The following ANK2 variants were observed in gnomAD, a reference collection of about 807,000 sequenced individuals.
The protein encoded by ANK2 is ankyrin-2.
ANK2 carries 83 observed loss-of-function variants against 360.5 expected under a neutral mutation model. The observed-to-expected ratio is 0.23, with a 90% CI of 0.19 to 0.28. The LOEUF is 0.28. ANK2 is among the 10% of genes least tolerant of loss of function. The probability of loss-of-function intolerance (pLI) is 1.00; values close to 1 mark genes in which losing one functional copy is unlikely to be tolerated. For missense variants in ANK2, 4,201 were observed against 4,795.7 expected (o/e 0.88, Z 3.66); for synonymous variants, 1,740 against 1,759.5 (o/e 0.99, Z 0.28).
At chr4:112,716,602 C>T in the ANK2 span, among the ~76,000 whole-genome samples, 9 of 152,162 alleles carry the variant, frequency 5.9e-5, no homozygotes, top group East Asian at 5.8e-4. Context: ...TTGCCCAGGC[C>T]GGAGTGCAGC....
chr4:112,855,793 A>G lies in ANK2; in HGVS notation c.-40+37529A>G, dbSNP rs74806603. On this transcript the variant is annotated intron_variant, in intron 1 of 30. Transcript: ENST00000503271. ...CTCACTCCAGAGTCCATGTCTGGAT[A>G]TGGCTTGATGTGATGGGGCAGCGTT... Among the ~76,000 whole-genome samples the G allele has an allele frequency of 3.3e-3, 509 of 152,268 alleles. 2 individuals carry two copies. The highest frequency in any genetic ancestry group is 0.012 in the African/African-American group (482 of 41,548).
At chr4:112,890,413 A>G (rs2079603530) in intron 1 of ANK2, among the ~76,000 whole-genome samples, 1 of 152,154 alleles carries the variant, frequency 6.6e-6, no homozygotes, top group Non-Finnish European at 1.5e-5. Flanking sequence ...GCCACCTACA[A>G]CGATCAGATA....
At chr4:113,124,291 A>C (rs2095535467) in intron 1 of ANK2, among the ~76,000 whole-genome samples, 1 of 152,210 alleles carries the variant, frequency 6.6e-6, no homozygotes. Context: ...TAGGACTCCT[A>C]ACACAAGTCA....
chr4:113,362,411 T>G (rs1050192756), intron 39 of ANK2, among the ~76,000 whole-genome samples: 2 of 152,108 alleles, frequency 1.3e-5, no homozygotes, highest in African/African-American at 4.8e-5. Flanking sequence ...TAAGCATCCA[T>G]ATGTAATGGT....
At chr4:112,994,545 A>G (rs1369262508) in intron 2 of ANK2, among the ~76,000 whole-genome samples, 1 of 152,228 alleles carries the variant, frequency 6.6e-6, no homozygotes, top group African/African-American at 2.4e-5. Context: ...TTTATGAGAC[A>G]ATCTCCAGTA....
chr4:112,942,342 A>G (rs1369930660), intron 2 of ANK2, among the ~76,000 whole-genome samples: 1 of 152,054 alleles, frequency 6.6e-6, no homozygotes, highest in East Asian at 1.9e-4. Flanking sequence ...TCCTGTTCCA[A>G]GTCAGTGCTC....
intron 1 of ANK2, among the ~76,000 whole-genome samples, chr4:113,074,538 CT>C (rs2079078924): frequency 6.6e-6 from 1 of 152,116 alleles, no homozygotes; most frequent in Non-Finnish European, 1.5e-5. Flanking sequence ...GCAAAGGACA[CT>C]GTTTTAAAAT....
At chr4:113,024,483 A>T (rs2058826321) in intron 2 of ANK2, among the ~76,000 whole-genome samples, 1 of 152,202 alleles carries the variant, frequency 6.6e-6, no homozygotes, top group South Asian at 2.1e-4. Flanking sequence ...CACATGAGAC[A>T]CTATTTTGTT....
At chr4:113,306,612 A>G (rs2077344403) in intron 23 of ANK2, among the ~76,000 whole-genome samples, 1 of 152,194 alleles carries the variant, frequency 6.6e-6, no homozygotes, top group African/African-American at 2.4e-5. Context: ...CATTTACTAA[A>G]TCTCTATAAT....
chr4:113,027,474 C>A (rs2059527174), intron 2 of ANK2, among the ~76,000 whole-genome samples: 1 of 152,046 alleles, frequency 6.6e-6, no homozygotes, highest in Non-Finnish European at 1.5e-5. Context: ...CTGATCTCTG[C>A]CTGTTTACCT....
intron 1 of ANK2, among the ~76,000 whole-genome samples, chr4:112,858,620 C>T (rs2067048751): frequency 6.6e-6 from 1 of 152,168 alleles, no homozygotes; most frequent in Non-Finnish European, 1.5e-5. Flanking sequence ...CATGCATTGA[C>T]TGAAACAAAG....
chr4:112,821,226 T>C (rs559529618), intron 1 of ANK2, among the ~76,000 whole-genome samples: 2 of 152,212 alleles, frequency 1.3e-5, no homozygotes, highest in Admixed American at 1.3e-4. Context: ...CTTAAATGTT[T>C]TTTGTAGAGA....
chr4:113,145,751 A>G, intron 1 of ANK2: 1 of 1,207,152 alleles, frequency 8.3e-7, no homozygotes, highest in Non-Finnish European at 1.1e-6. Context: ...AAGGGAACTG[A>G]GCAGAGGAGC....
At chr4:112,904,508 G>A in exon 2 of ANK2, 3 of 1,502,300 alleles carry the variant, frequency 2.0e-6, no homozygotes, top group East Asian at 2.5e-5. Flanking sequence ...CCACCATGTT[G>A]CAAAAGGTAC....
chr4:112,985,770 T>C (rs1371130496), intron 2 of ANK2, among the ~76,000 whole-genome samples: 1 of 152,060 alleles, frequency 6.6e-6, no homozygotes, highest in East Asian at 1.9e-4. Context: ...GGACTGAAGA[T>C]TCAGGGACAG....
At chr4:113,100,125 GGCTTCTTTA>G (rs2092572327) in intron 1 of ANK2, among the ~76,000 whole-genome samples, 1 of 151,816 alleles carries the variant, frequency 6.6e-6, no homozygotes, top group Non-Finnish European at 1.5e-5. Context: ...TGATAAGTTG[GGCTTCTTTA>G]AAATTTAAAA....
intron 1 of ANK2, among the ~76,000 whole-genome samples, chr4:113,132,539 CTGGAACTGGACCCCG>C (rs1283074392): frequency 4.6e-5 from 7 of 152,232 alleles, no homozygotes; most frequent in African/African-American, 1.4e-4. Context: ...ACTTTGTACC[CTGGAACTGGACCCCG>C]TGGCATGATG....
intron 34 of ANK2, among the ~76,000 whole-genome samples, chr4:113,345,612 A>G (rs1206313810): frequency 1.3e-5 from 2 of 152,174 alleles, no homozygotes; most frequent in Non-Finnish European, 2.9e-5. Context: ...ATGTTAATTA[A>G]TTTGATACGC....
chr4:113,354,566 G>C lies in ANK2; in HGVS notation c.5948G>C (p.Arg1983Thr). The change falls in exon 38 of 46, where the codon AGG (arginine) becomes ACG (threonine). Residue 1983 changes from arginine to threonine, a missense_variant. By Grantham distance (71) the Arg-to-Thr change is moderately conservative. Transcript: ENST00000357077. Reference protein sequence around the residue: ...PPVSPTSKTERIEETMSVREL... With the variant: ...PPVSPTSKTETIEETMSVREL... ...GTATCCCCCACTTCAAAAACAGAGA[G>C]GATTGAGGAAACCATGTCTGTTCGG... 1.9e-6 allele frequency: 3 copies of C among 1,614,096 alleles called. No individual in the cohort carries two copies. Among genetic ancestry groups the C allele is most frequent in the Non-Finnish European group, 2.5e-6 (3 of 1,179,994 alleles).
Sources: gnomAD v4.1 joint callset for allele counts (sites outside exome capture counted in the v4.1 genomes callset) on GRCh38, gnomAD v4.1.1 for gene constraint, MANE v1.5 for transcripts, NCBI Gene and HGNC (gene_info 2026-07-23, HGNC 2026-07-21) for gene names.